IL1RL1: variants seen among roughly 807,000 people sequenced by gnomAD.
IL1RL1 encodes interleukin-1 receptor-like 1.
A neutral mutation model predicts 50.9 loss-of-function variants in IL1RL1; 32 were observed. That is an observed-to-expected ratio of 0.63 (90% CI 0.47 to 0.84). The LOEUF (loss-of-function observed/expected upper bound fraction) is 0.84. IL1RL1 is among the 40% of genes least tolerant of loss of function. The pLI is 0.00. For missense variants in IL1RL1, 773 were observed against 662.9 expected (o/e 1.17, Z -1.82); for synonymous variants, 275 against 236.0 (o/e 1.17, Z -1.51).
At position 102,334,593 on chromosome 2, in the gene IL1RL1, GA is replaced by G. The variant is rs61116246; in HGVS notation, c.-149-3515del. On this transcript the variant is annotated intron_variant, in intron 1 of 10. Transcript: ENST00000233954. The stretch of plus-strand genomic sequence containing the variant: ...CAGATGTCCTCTAGTGAAATGAGGG[GA>G]AAAAAAACATCCATCCCCAGCTTAT... Among the ~76,000 whole-genome samples the G allele has an allele frequency of 7.7e-4, 117 of 151,454 alleles. 3 individuals carry two copies. In the South Asian group the frequency reaches 0.013, roughly 16 times the overall value.
chr2:102,351,579 G>A lies in IL1RL1; in HGVS notation c.1329G>A (p.Arg443=), dbSNP rs111942110. The change falls in exon 11 of 11, where the codon CGG becomes CGA. Residue 443 remains arginine, a synonymous_variant. Transcript: ENST00000233954. ...AVETNIRKSR[R]HIFILTPQIT... Reference sequence around the variant, plus strand: ...AAACCAACATACGAAAGAGCAGGCGGCACATTTTCATCCTGACCCCTCAGA... The same window carrying A: ...AAACCAACATACGAAAGAGCAGGCGACACATTTTCATCCTGACCCCTCAGA... The A allele has an allele frequency of 2.3e-3, 3,742 of 1,614,028 alleles. 10 individuals are homozygous for A. The highest frequency in any genetic ancestry group is 6.1e-3 in the South Asian group (557 of 91,078).
intron 3 of IL1RL1, among the ~76,000 whole-genome samples, chr2:102,339,733 T>C (rs183569494): frequency 1.3e-5 from 2 of 152,226 alleles, no homozygotes; most frequent in African/African-American, 2.4e-5. Context: ...CAAAGCATTA[T>C]TGTGAAAATA....
At chr2:102,345,336 T>C in intron 8 of IL1RL1, 1 of 985,430 alleles carries the variant, frequency 1.0e-6, no homozygotes, top group Non-Finnish European at 1.2e-6. Context: ...GTTCTTCACA[T>C]ATCCAGGCAA....
At chr2:102,314,185 T>C (rs1433064413) in intron 1 of IL1RL1, among the ~76,000 whole-genome samples, 1 of 152,208 alleles carries the variant, frequency 6.6e-6, no homozygotes, top group African/African-American at 2.4e-5. Context: ...AAGACTGCTA[T>C]GTGCCAGACC....
chr2:102,343,543 C>T (rs1011122069), intron 8 of IL1RL1, 128 bp downstream of exon 8: 9 of 1,573,824 alleles, frequency 5.7e-6, no homozygotes, highest in Admixed American at 5.2e-5. Flanking sequence ...TGCTTCTCTT[C>T]TTCGGGATGT....
Position 102,352,011 on chromosome 2 carries a change from C to A in IL1RL1, c.*90C>A. 1 of 1,269,938 alleles carries A rather than the reference C, an allele frequency of 7.9e-7. No individual in the cohort carries two copies. Among genetic ancestry groups the A allele is most frequent in the Non-Finnish European group, 1.1e-6 (1 of 917,236 alleles). The allele number at this position is 1,269,938 out of a possible 1,614,324, so 78.7% of individuals were successfully genotyped here. On this transcript the variant is annotated 3_prime_UTR_variant, in exon 11 of 11. Coordinates refer to ENST00000233954, the MANE Select transcript of IL1RL1 (RefSeq NM_016232.5). ...TGCCCCTGCACTGAAGTGTGAGGAG[C>A]AGGAATATTAAAGGGATTCAGGCCT...
rs576630996 is a variant in IL1RL1, at chr2:102,311,623, G to A, written c.-150G>A. The A allele has an allele frequency of 6.7e-6, 1 of 149,954 alleles. No homozygotes were observed. Among genetic ancestry groups the A allele is most frequent in the South Asian group, 2.1e-4 (1 of 4,746 alleles). 9.3% of individuals were successfully genotyped at this position (149,954 alleles called of 1,614,324 possible). A position where few individuals can be genotyped will look rare whatever the true frequency, so the allele number is the denominator to read the frequency against. Reference sequence around the variant, plus strand: ...AAGAACTCAAGTACAACCCAATGAGGGTAAGTGGCTTTGGGGTATTTTTCA... The same window carrying A: ...AAGAACTCAAGTACAACCCAATGAGAGTAAGTGGCTTTGGGGTATTTTTCA... On this transcript the variant is annotated splice_region_variant and 5_prime_UTR_variant, in exon 1 of 11. Coordinates refer to ENST00000233954, the MANE Select transcript of IL1RL1 (RefSeq NM_016232.5).
At chr2:102,335,572 A>C (rs1206512833) in intron 1 of IL1RL1, among the ~76,000 whole-genome samples, 1 of 152,202 alleles carries the variant, frequency 6.6e-6, no homozygotes, top group African/African-American at 2.4e-5. Context: ...TTAATTGTCA[A>C]ATGAACAACT....
At chr2:102,340,865 G>T in intron 5 of IL1RL1, 37 bp downstream of exon 5, 1 of 1,491,710 alleles carries the variant, frequency 6.7e-7, no homozygotes, top group African/African-American at 1.5e-5. Flanking sequence ...AATACTACGT[G>T]AAAGAAGTCG....
chr2:102,347,352 C>A (rs1243978173), intron 8 of IL1RL1, among the ~76,000 whole-genome samples: 1 of 152,200 alleles, frequency 6.6e-6, no homozygotes, highest in Non-Finnish European at 1.5e-5. Flanking sequence ...GGGAAAACCA[C>A]TCAAGTCTCC....
At chr2:102,331,213 G>A (rs924022937) in intron 1 of IL1RL1, among the ~76,000 whole-genome samples, 1 of 152,124 alleles carries the variant, frequency 6.6e-6, no homozygotes, top group Non-Finnish European at 1.5e-5. Flanking sequence ...CATGTCTTGG[G>A]TATTCCCAGG....
At chr2:102,345,395 G>A in intron 8 of IL1RL1, 1 of 985,312 alleles carries the variant, frequency 1.0e-6, no homozygotes, top group African/African-American at 1.7e-5. Context: ...TAAAAGGAAG[G>A]AAAGAGAGAA....
At chr2:102,313,180 C>T (rs1309914752) in intron 1 of IL1RL1, 1 of 152,086 alleles carries the variant, frequency 6.6e-6, no homozygotes, top group East Asian at 1.9e-4. Flanking sequence ...AAGAGGTGAC[C>T]AGCATATTAG....
intron 1 of IL1RL1, among the ~76,000 whole-genome samples, chr2:102,327,971 T>C (rs559774080): frequency 2.8e-4 from 43 of 152,130 alleles, no homozygotes; most frequent in African/African-American, 8.0e-4. Flanking sequence ...TTCCAATCAA[T>C]AGAAAAAGAG....
chr2:102,327,042 A>T (rs904377921), intron 1 of IL1RL1, among the ~76,000 whole-genome samples: 4 of 152,238 alleles, frequency 2.6e-5, no homozygotes, highest in African/African-American at 7.2e-5. Flanking sequence ...CAAAATCAAC[A>T]GAATATACAT....
At chr2:102,333,741 C>G (rs1349304243) in intron 1 of IL1RL1, among the ~76,000 whole-genome samples, 1 of 152,130 alleles carries the variant, frequency 6.6e-6, no homozygotes, top group Non-Finnish European at 1.5e-5. Context: ...ACCCCCTACC[C>G]TCCCTACTTT....
chr2:102,340,863 G>A (rs748442865), intron 5 of IL1RL1, 35 bp downstream of exon 5: 21 of 1,501,460 alleles, frequency 1.4e-5, no homozygotes, highest in Admixed American at 5.2e-5. Context: ...AGAATACTAC[G>A]TGAAAGAAGT....
chr2:102,318,862 T>C (rs1320001312), intron 1 of IL1RL1, among the ~76,000 whole-genome samples: 1 of 152,120 alleles, frequency 6.6e-6, no homozygotes, highest in African/African-American at 2.4e-5. Context: ...TTGACGATAT[T>C]GATAACAGCA....
At chr2:102,348,308 C>T (rs1395097887) in intron 9 of IL1RL1, among the ~76,000 whole-genome samples, 1 of 152,176 alleles carries the variant, frequency 6.6e-6, no homozygotes, top group African/African-American at 2.4e-5. Context: ...CTCAACAGCT[C>T]ACTTTTCTTC....
Sources: allele counts gnomAD v4.1 joint callset (sites outside exome capture counted in the v4.1 genomes callset), GRCh38; gene constraint gnomAD v4.1.1; transcripts MANE v1.5; gene names NCBI Gene and HGNC (gene_info 2026-07-23, HGNC 2026-07-21).